The following CAMKMT variants were observed in gnomAD, a reference collection of about 807,000 sequenced individuals.
CAMKMT encodes CaM KMT.
Under a neutral mutation model 48.0 loss-of-function variants are expected in CAMKMT, and 53 were observed. The observed-to-expected ratio is 1.10, with a 90% CI of 0.89 to 1.39. The LOEUF is 1.39. Among genes scored for constraint, CAMKMT ranks in the 40% most tolerant of loss-of-function variants. The probability of loss-of-function intolerance (pLI) is 0.00; values close to 1 mark genes in which losing one functional copy is unlikely to be tolerated. For missense variants in CAMKMT, 428 were observed against 402.7 expected, an observed-to-expected ratio of 1.06 and a Z score of -0.54; for synonymous variants, 165 against 152.3, an observed-to-expected ratio of 1.08 and a Z score of -0.61.
intron 3 of CAMKMT, among the ~76,000 whole-genome samples, chr2:44,698,855 C>T (rs1677109053): frequency 6.6e-6 from 1 of 152,226 alleles, no homozygotes; most frequent in Non-Finnish European, 1.5e-5. Flanking sequence ...CTCTCAAACC[C>T]TGCCACTGCT....
chr2:44,416,543 T>TC (rs1175227432), intron 3 of CAMKMT, among the ~76,000 whole-genome samples: 1 of 151,752 alleles, frequency 6.6e-6, no homozygotes, highest in East Asian at 1.9e-4. Context: ...CTCTTTTTTT[T>TC]CCCTAATATA....
chr2:44,683,164 C>G (rs1241686386), intron 3 of CAMKMT, among the ~76,000 whole-genome samples: 1 of 150,990 alleles, frequency 6.6e-6, no homozygotes, highest in Non-Finnish European at 1.5e-5. Flanking sequence ...TGTATTGGAG[C>G]ATGGAAAGGA....
At chr2:44,612,865 T>A (rs1671674011) in intron 3 of CAMKMT, among the ~76,000 whole-genome samples, 1 of 152,230 alleles carries the variant, frequency 6.6e-6, no homozygotes, top group Non-Finnish European at 1.5e-5. Context: ...TCCTTCCTCT[T>A]TTTCTCTCTC....
chr2:44,492,831 C>T (rs946101994), intron 3 of CAMKMT, among the ~76,000 whole-genome samples: 1 of 150,816 alleles, frequency 6.6e-6, no homozygotes, highest in Admixed American at 6.6e-5. Flanking sequence ...GCAGAATATG[C>T]TTCTTGGATT....
At chr2:44,372,946 A>G in intron 2 of CAMKMT, 58 bp downstream of exon 2, 1 of 1,405,466 alleles carries the variant, frequency 7.1e-7, no homozygotes, top group Middle Eastern at 1.8e-4. Context: ...GATAAGAAAA[A>G]CAATCTAATA....
intron 3 of CAMKMT, among the ~76,000 whole-genome samples, chr2:44,502,283 G>A (rs955940190): frequency 7.2e-5 from 8 of 110,972 alleles, no homozygotes; most frequent in Non-Finnish European, 1.4e-4. Context: ...ACTTAGATTT[G>A]AATTGTTGTA....
chr2:44,734,732 G>C (rs1679268367), intron 7 of CAMKMT, among the ~76,000 whole-genome samples: 1 of 152,040 alleles, frequency 6.6e-6, no homozygotes, highest in Admixed American at 6.6e-5. Context: ...TTTTTTGTAT[G>C]ACTAGAATCA....
At chr2:44,647,766 G>A (rs1462181123) in intron 3 of CAMKMT, among the ~76,000 whole-genome samples, 1 of 151,890 alleles carries the variant, frequency 6.6e-6, no homozygotes, top group African/African-American at 2.4e-5. Context: ...AAATTAGCCA[G>A]GCGTGGTAGT....
At chr2:44,728,984 T>C (rs1306546558) in intron 7 of CAMKMT, among the ~76,000 whole-genome samples, 1 of 151,744 alleles carries the variant, frequency 6.6e-6, no homozygotes, top group Non-Finnish European at 1.5e-5. Context: ...TGTGGTTTAC[T>C]GTGTCTTATT....
chr2:44,435,500 G>C (rs966170985), intron 3 of CAMKMT, among the ~76,000 whole-genome samples: 7 of 152,194 alleles, frequency 4.6e-5, no homozygotes, highest in Admixed American at 1.3e-4. Flanking sequence ...TTACAACTCA[G>C]TTGGATGATG....
intron 3 of CAMKMT, among the ~76,000 whole-genome samples, chr2:44,463,306 GA>G (rs1198904667): frequency 6.6e-6 from 1 of 152,182 alleles, no homozygotes; most frequent in East Asian, 1.9e-4. Flanking sequence ...GATAGCTCCA[GA>G]AGCCAGTTGT....
chr2:44,497,740 A>AGG (rs1372549381), intron 3 of CAMKMT, among the ~76,000 whole-genome samples: 1 of 150,968 alleles, frequency 6.6e-6, no homozygotes, highest in Non-Finnish European at 1.5e-5. Context: ...AGAGAGAGAG[A>AGG]GAGGGATAGT....
intron 3 of CAMKMT, among the ~76,000 whole-genome samples, chr2:44,661,112 C>A (rs1467205929): frequency 6.6e-6 from 1 of 151,836 alleles, no homozygotes; most frequent in East Asian, 1.9e-4. Flanking sequence ...ATCTTTATAC[C>A]ATTCAATAAT....
intron 3 of CAMKMT, among the ~76,000 whole-genome samples, chr2:44,565,118 C>G (rs572020757): frequency 6.6e-6 from 1 of 152,262 alleles, no homozygotes; most frequent in South Asian, 2.1e-4. Context: ...CTCACATTTC[C>G]TAGCATAGTG....
chr2:44,409,124 T>G (rs1683004128), intron 3 of CAMKMT, among the ~76,000 whole-genome samples: 4 of 4,106 alleles, frequency 9.7e-4, no homozygotes, highest in Non-Finnish European at 1.7e-3. Context: ...TATATATATA[T>G]ATATATATAT....
intron 3 of CAMKMT, among the ~76,000 whole-genome samples, chr2:44,580,720 CAT>C (rs1669509169): frequency 6.6e-6 from 1 of 152,134 alleles, no homozygotes; most frequent in Non-Finnish European, 1.5e-5. Flanking sequence ...ACAGTGCAAT[CAT>C]AGCAGTATCA....
chr2:44,680,342 C>A (rs913789980), intron 3 of CAMKMT, among the ~76,000 whole-genome samples: 1 of 152,098 alleles, frequency 6.6e-6, no homozygotes, highest in Non-Finnish European at 1.5e-5. Flanking sequence ...ATGAGATTGT[C>A]ACACTCTTTT....
intron 3 of CAMKMT, among the ~76,000 whole-genome samples, chr2:44,548,956 T>C (rs1484030244): frequency 2.0e-5 from 3 of 152,334 alleles, no homozygotes; most frequent in East Asian, 3.9e-4. Context: ...CCTAAAGAGT[T>C]GTGAACTGAT....
chr2:44,555,023 T>A (rs1390220102), intron 3 of CAMKMT, among the ~76,000 whole-genome samples: 1 of 152,050 alleles, frequency 6.6e-6, no homozygotes, highest in Non-Finnish European at 1.5e-5. Flanking sequence ...TTGAGGAAAC[T>A]GCATATATGG....
Sources: gnomAD v4.1 joint callset for allele counts (sites outside exome capture counted in the v4.1 genomes callset) on GRCh38, gnomAD v4.1.1 for gene constraint, MANE v1.5 for transcripts, NCBI Gene and HGNC (gene_info 2026-07-23, HGNC 2026-07-21) for gene names.